The following RBFOX1 variants were observed in gnomAD, a reference collection of about 807,000 sequenced individuals.
RBFOX1 encodes RNA binding protein fox-1 homolog 1.
A neutral mutation model predicts 57.7 loss-of-function variants in RBFOX1; 8 were observed. The observed-to-expected ratio is 0.14, with a 90% confidence interval of 0.08 to 0.25. RBFOX1 has a LOEUF of 0.25. RBFOX1 is among the 10% of genes least tolerant of loss of function. The pLI is 1.00. For missense variants in RBFOX1, 611 were observed against 548.5 expected (o/e 1.11, Z -1.14); for synonymous variants, 326 against 222.4 (o/e 1.47, Z -4.15).
chr16:7,569,341 TC>T (rs1469748246), intron 5 of RBFOX1, among the ~76,000 whole-genome samples: 2 of 152,158 alleles, frequency 1.3e-5, no homozygotes, highest in African/African-American at 2.4e-5. Context: ...ATTTGATCTT[TC>T]CCCATGCCTT....
At chr16:7,657,714 C>T (rs1320500498) in intron 12 of RBFOX1, among the ~76,000 whole-genome samples, 1 of 152,076 alleles carries the variant, frequency 6.6e-6, no homozygotes, top group Non-Finnish European at 1.5e-5. Flanking sequence ...CCTTTTTTGT[C>T]TCACATGCCT....
At chr16:7,629,903 C>T (rs950272355) in intron 10 of RBFOX1, among the ~76,000 whole-genome samples, 44 of 152,326 alleles carry the variant, frequency 2.9e-4, no homozygotes, top group African/African-American at 9.9e-4. Flanking sequence ...AATACAGAAG[C>T]CGAAGATTCT....
chr16:5,607,784 C>T (rs1325673851), intron 3 of RBFOX1, among the ~76,000 whole-genome samples: 1 of 152,198 alleles, frequency 6.6e-6, no homozygotes, highest in Non-Finnish European at 1.5e-5. Flanking sequence ...TAAATGGACC[C>T]CTGCAGTCCA....
At chr16:6,213,521 C>T (rs925804471) in intron 1 of RBFOX1, among the ~76,000 whole-genome samples, 4 of 152,176 alleles carry the variant, frequency 2.6e-5, no homozygotes, top group South Asian at 2.1e-4. Flanking sequence ...CAGACCCTGG[C>T]GGCAAGGCAG....
chr16:5,612,028 T>C (rs1282160008), intron 3 of RBFOX1, among the ~76,000 whole-genome samples: 3 of 151,398 alleles, frequency 2.0e-5, no homozygotes, highest in African/African-American at 7.3e-5. Flanking sequence ...CTTGGGAGGC[T>C]GGGATGGAAA....
At chr16:6,881,980 T>A (rs1052599149) in intron 3 of RBFOX1, among the ~76,000 whole-genome samples, 1 of 152,112 alleles carries the variant, frequency 6.6e-6, no homozygotes, top group Non-Finnish European at 1.5e-5. Context: ...GGGTTAGACA[T>A]AAAGGAGAAA....
chr16:6,719,376 A>C (rs1245741246), intron 3 of RBFOX1, among the ~76,000 whole-genome samples: 2 of 152,196 alleles, frequency 1.3e-5, no homozygotes, highest in Non-Finnish European at 2.9e-5. Flanking sequence ...TCAGGGAATA[A>C]ATTTAAAATA....
At chr16:7,650,314 T>A in intron 11 of RBFOX1, among the ~76,000 whole-genome samples, 1 of 49,906 alleles carries the variant, frequency 2.0e-5, no homozygotes, top group African/African-American at 6.8e-5. Context: ...TGGAACTCTC[T>A]TTTTTTTTTT....
At position 7,000,144 on chromosome 16, in the gene RBFOX1, C is replaced by G. The variant is rs537549544; in HGVS notation, c.-15-51913C>G. Among the ~76,000 whole-genome samples, 33 of 150,180 alleles carry G rather than the reference C, an allele frequency of 2.2e-4. 1 individual carries two copies. In the South Asian group the frequency reaches 6.4e-3, roughly 29 times the overall value. ...TTATTTTTAAAGTTTTCAGTACTTA[C>G]AATTAGAATATGAGAATTCTTAAGG... On this transcript the variant is annotated intron_variant, in intron 3 of 15. Transcript: ENST00000550418.
At chr16:7,433,811 C>G (rs1241752908) in intron 4 of RBFOX1, among the ~76,000 whole-genome samples, 1 of 151,788 alleles carries the variant, frequency 6.6e-6, no homozygotes, top group Non-Finnish European at 1.5e-5. Flanking sequence ...GCCAGCCAGC[C>G]TTTCTAAAAA....
intron 4 of RBFOX1, among the ~76,000 whole-genome samples, chr16:7,238,525 C>A (rs543485877): frequency 1.2e-5 from 1 of 84,324 alleles, no homozygotes; most frequent in South Asian, 2.9e-4. Context: ...ATCTTTCCAA[C>A]CTTGGGCTAC....
At chr16:5,467,391 T>C (rs2068987236) in intron 2 of RBFOX1, 6 of 778,828 alleles carry the variant, frequency 7.7e-6, no homozygotes, top group Non-Finnish European at 9.9e-6. Flanking sequence ...GCACAGTTCA[T>C]CCCTTAGCAA....
chr16:5,585,541 T>TGA (rs774747267), intron 2 of RBFOX1, among the ~76,000 whole-genome samples: 3 of 152,212 alleles, frequency 2.0e-5, no homozygotes, highest in Non-Finnish European at 2.9e-5. Flanking sequence ...TCCTGTGTCT[T>TGA]GATTGACTTA....
intron 3 of RBFOX1, among the ~76,000 whole-genome samples, chr16:7,019,254 G>T (rs964198261): frequency 1.3e-5 from 2 of 151,970 alleles, no homozygotes; most frequent in African/African-American, 4.8e-5. Context: ...GTTTTGTTAG[G>T]TTGGTGCTTG....
chr16:6,727,904 A>T (rs929809558), intron 3 of RBFOX1, among the ~76,000 whole-genome samples: 3 of 152,214 alleles, frequency 2.0e-5, no homozygotes, highest in Admixed American at 2.0e-4. Context: ...TTTTGAAATC[A>T]TACAGCCTGT....
chr16:6,005,365 T>C (rs1357521935), intron 4 of RBFOX1, among the ~76,000 whole-genome samples: 2 of 152,242 alleles, frequency 1.3e-5, no homozygotes, highest in Admixed American at 6.5e-5. Context: ...CCAATGTTTG[T>C]TGAGCATCTG....
At chr16:6,166,935 A>C (rs1025421752) in intron 1 of RBFOX1, among the ~76,000 whole-genome samples, 2 of 145,938 alleles carry the variant, frequency 1.4e-5, no homozygotes. Flanking sequence ...CACCACACCT[A>C]GCTAATTTTT....
intron 3 of RBFOX1, among the ~76,000 whole-genome samples, chr16:6,682,687 C>A (rs546750695): frequency 2.0e-5 from 3 of 151,898 alleles, no homozygotes; most frequent in South Asian, 2.1e-4. Context: ...CGCCATGTGT[C>A]CCCCGGCGCG....
At chr16:5,910,899 C>T (rs943160352) in intron 4 of RBFOX1, among the ~76,000 whole-genome samples, 1 of 152,216 alleles carries the variant, frequency 6.6e-6, no homozygotes, top group African/African-American at 2.4e-5. Context: ...CCCCACATCC[C>T]TCATCCTCTG....
Sources: gnomAD v4.1 joint callset for allele counts (sites outside exome capture counted in the v4.1 genomes callset) on GRCh38, gnomAD v4.1.1 for gene constraint, MANE v1.5 for transcripts, NCBI Gene and HGNC (gene_info 2026-07-23, HGNC 2026-07-21) for gene names.